The following ADARB2 variants were observed in gnomAD, a reference collection of about 807,000 sequenced individuals.
ADARB2 encodes inactive double-stranded RNA-specific editase B2.
ADARB2 carries 25 observed loss-of-function variants against 62.2 expected under a neutral mutation model. The ratio of observed to expected loss-of-function variants is 0.40; its 90% confidence interval spans 0.29 to 0.56. The LOEUF is 0.56. ADARB2 is among the 20% of genes least tolerant of loss of function. ADARB2 has a pLI of 0.43. For synonymous variants in ADARB2, 572 were observed against 500.8 expected (o/e 1.14, Z -1.90); for missense variants, 1,071 against 1,077.4 (o/e 0.99, Z 0.08).
At chr10:1,207,821 A>G (rs1282991877) in intron 7 of ADARB2, among the ~76,000 whole-genome samples, 2 of 152,330 alleles carry the variant, frequency 1.3e-5, no homozygotes, top group East Asian at 3.9e-4. Context: ...GGAGATTTAG[A>G]TTTTTTATAT....
At chr10:1,493,612 T>C (rs1254094429) in intron 1 of ADARB2, among the ~76,000 whole-genome samples, 1 of 152,110 alleles carries the variant, frequency 6.6e-6, no homozygotes, top group African/African-American at 2.4e-5. Context: ...CAAGTGTTTG[T>C]CCATTGTTCA....
chr10:1,716,110 G>A (rs780543547), intron 1 of ADARB2, among the ~76,000 whole-genome samples: 4 of 151,790 alleles, frequency 2.6e-5, no homozygotes, highest in Non-Finnish European at 4.4e-5. Context: ...TGCACCGTGC[G>A]CGTTCCACAA....
At chr10:1,491,660 C>G (rs1473529344) in intron 1 of ADARB2, among the ~76,000 whole-genome samples, 2 of 152,130 alleles carry the variant, frequency 1.3e-5, no homozygotes, top group Non-Finnish European at 2.9e-5. Flanking sequence ...AAATCCTACC[C>G]CTAGACTTGA....
intron 4 of ADARB2, among the ~76,000 whole-genome samples, chr10:1,264,977 A>G (rs570671983): frequency 6.6e-6 from 1 of 152,370 alleles, no homozygotes; most frequent in South Asian, 2.1e-4. Flanking sequence ...AATGTACTCT[A>G]GAAAACTCCT....
intron 1 of ADARB2, among the ~76,000 whole-genome samples, chr10:1,645,366 C>T (rs970497701): frequency 6.6e-5 from 10 of 152,226 alleles, no homozygotes; most frequent in Admixed American, 2.6e-4. Flanking sequence ...GGTAGAGATG[C>T]ATGCCAGCCC....
At chr10:1,416,200 C>A (rs1343325314) in intron 1 of ADARB2, among the ~76,000 whole-genome samples, 1 of 152,240 alleles carries the variant, frequency 6.6e-6, no homozygotes, top group African/African-American at 2.4e-5. Context: ...TTCATAAACA[C>A]TTATTCACAC....
intron 2 of ADARB2, among the ~76,000 whole-genome samples, chr10:1,375,391 T>C (rs1832413186): frequency 6.6e-6 from 1 of 152,182 alleles, no homozygotes; most frequent in Admixed American, 6.5e-5. Flanking sequence ...CTGTGGGTGA[T>C]GGGCTTCCAG....
At chr10:1,664,119 C>T (rs546518233) in intron 1 of ADARB2, among the ~76,000 whole-genome samples, 7 of 151,130 alleles carry the variant, frequency 4.6e-5, no homozygotes, top group East Asian at 1.9e-4. Context: ...TGTGTGTCCG[C>T]GTTTCCATGC....
chr10:1,656,381 T>C (rs1171790893), intron 1 of ADARB2, among the ~76,000 whole-genome samples: 3 of 152,218 alleles, frequency 2.0e-5, no homozygotes, highest in Non-Finnish European at 4.4e-5. Flanking sequence ...TCTTCTGCCA[T>C]GACTCCTAGC....
At position 1,737,192 on chromosome 10, in the gene ADARB2, G is replaced by T. The variant is rs764585306; in HGVS notation, c.-42C>A. On this transcript the variant is annotated 5_prime_UTR_variant, in exon 1 of 10. Transcript: ENST00000381312. ...CGGAGCCCAGAGCCGCCTCCCTCCT[G>T]CACCTGCACCTGCCTCCTTCCCGGC... The T allele has an allele frequency of 7.6e-6, 12 of 1,581,852 alleles. No homozygotes were observed. Among genetic ancestry groups the T allele is most frequent in the South Asian group, 1.1e-5 (1 of 90,618 alleles).
intron 3 of ADARB2, among the ~76,000 whole-genome samples, chr10:1,303,402 T>C (rs1831593888): frequency 6.6e-6 from 1 of 151,864 alleles, no homozygotes; most frequent in East Asian, 1.9e-4. Flanking sequence ...CTACATCTGA[T>C]TGGTGTACCT....
At chr10:1,688,330 T>G (rs1352283642) in intron 1 of ADARB2, among the ~76,000 whole-genome samples, 1 of 152,110 alleles carries the variant, frequency 6.6e-6, no homozygotes, top group Non-Finnish European at 1.5e-5. Flanking sequence ...GTGGGCAGAG[T>G]TGGGGACATC....
At chr10:1,325,349 A>C (rs1472479154) in intron 3 of ADARB2, among the ~76,000 whole-genome samples, 1 of 152,084 alleles carries the variant, frequency 6.6e-6, no homozygotes. Context: ...CCGCTCCTGC[A>C]CCCCAAGTGT....
intron 1 of ADARB2, among the ~76,000 whole-genome samples, chr10:1,484,234 A>C (rs1831514887): frequency 2.0e-5 from 3 of 152,204 alleles, no homozygotes; most frequent in Admixed American, 2.0e-4. Flanking sequence ...AATCCTTGAA[A>C]ATTGGTTTGA....
At chr10:1,510,940 AC>A (rs1223315538) in intron 1 of ADARB2, among the ~76,000 whole-genome samples, 3 of 152,142 alleles carry the variant, frequency 2.0e-5, no homozygotes, top group Non-Finnish European at 4.4e-5. Flanking sequence ...TGCAGCCTCA[AC>A]CTTCTGGCTC....
chr10:1,725,408 A>T (rs1835151001), intron 1 of ADARB2, among the ~76,000 whole-genome samples: 1 of 152,212 alleles, frequency 6.6e-6, no homozygotes, highest in South Asian at 2.1e-4. Flanking sequence ...GCAAAAATAC[A>T]TCAGAATAAA....
chr10:1,195,742 T>G (rs1836901971), intron 8 of ADARB2, among the ~76,000 whole-genome samples: 1 of 152,140 alleles, frequency 6.6e-6, no homozygotes, highest in Non-Finnish European at 1.5e-5. Flanking sequence ...GAGGTATGGC[T>G]CACTGCAGCA....
intron 4 of ADARB2, among the ~76,000 whole-genome samples, chr10:1,259,402 C>T (rs1378892713): frequency 6.6e-6 from 1 of 151,928 alleles, no homozygotes; most frequent in Non-Finnish European, 1.5e-5. Flanking sequence ...AGACCTCTAG[C>T]AAGACTAATA....
At chr10:1,206,494 TCC>T in intron 7 of ADARB2, among the ~76,000 whole-genome samples, 6 of 151,728 alleles carry the variant, frequency 4.0e-5, no homozygotes, top group Admixed American at 6.6e-5. Flanking sequence ...CGGGGTCTCC[TCC>T]TCGTGCCTGT....
Sources: allele counts gnomAD v4.1 joint callset (sites outside exome capture counted in the v4.1 genomes callset), GRCh38; gene constraint gnomAD v4.1.1; transcripts MANE v1.5; gene names NCBI Gene and HGNC (gene_info 2026-07-23, HGNC 2026-07-21).